The following ADAM23 variants were observed in gnomAD, a reference collection of about 807,000 sequenced individuals.
ADAM23 encodes ADAM metallopeptidase domain 23.
A neutral mutation model predicts 120.1 loss-of-function variants in ADAM23; 33 were observed. The observed-to-expected ratio is 0.27, with a 90% CI of 0.21 to 0.37. The LOEUF is 0.37. ADAM23 is among the 10% of genes least tolerant of loss of function. The pLI is 1.00. For missense variants in ADAM23, 862 were observed against 1,058.2 expected (o/e 0.81, Z 2.57); for synonymous variants, 367 against 375.2 (o/e 0.98, Z 0.25).
At chr2:206,486,677 C>T (rs562186463) in intron 3 of ADAM23, among the ~76,000 whole-genome samples, 1 of 152,082 alleles carries the variant, frequency 6.6e-6, no homozygotes, top group African/African-American at 2.4e-5. Flanking sequence ...TTTCCTCTTC[C>T]TCCTCTTTCT....
At chr2:206,452,393 T>A (rs372246047) in intron 2 of ADAM23, among the ~76,000 whole-genome samples, 86 of 152,356 alleles carry the variant, frequency 5.6e-4, no homozygotes, top group African/African-American at 2.0e-3. Context: ...TAATGCTTTC[T>A]GCTCACGGGT....
At chr2:206,541,475 A>G (rs1210060518) in intron 4 of ADAM23, among the ~76,000 whole-genome samples, 1 of 152,212 alleles carries the variant, frequency 6.6e-6, no homozygotes, top group South Asian at 2.1e-4. Flanking sequence ...GCCAAACACC[A>G]GAAGAAACAG....
At chr2:206,444,922 A>T (rs1034556659) in intron 1 of ADAM23, among the ~76,000 whole-genome samples, 3 of 152,192 alleles carry the variant, frequency 2.0e-5, no homozygotes, top group Non-Finnish European at 4.4e-5. Context: ...CTGTGGACTC[A>T]GAGAAGGGGT....
At chr2:206,514,474 A>G (rs999122777) in intron 3 of ADAM23, among the ~76,000 whole-genome samples, 9 of 152,232 alleles carry the variant, frequency 5.9e-5, no homozygotes, top group Admixed American at 3.3e-4. Flanking sequence ...AACTGCTGCA[A>G]TCTCATGATA....
rs777098022 is a variant in ADAM23 at position 206,550,170 on chromosome 2, T to C, written c.933+10T>C. 29 of 1,535,124 alleles carry C rather than the reference T, an allele frequency of 1.9e-5. 1 individual carries two copies. In the South Asian group the frequency reaches 2.5e-4, roughly 13 times the overall value. On this transcript the variant is annotated intron_variant, in intron 9 of 25. Transcript: ENST00000264377. ...TAATGATCACAAAACGGTAAGAATA[T>C]AGAGTCAGTGGGTTTTAGAACAGAT...
intron 17 of ADAM23, among the ~76,000 whole-genome samples, chr2:206,572,865 A>G (rs1330175105): frequency 6.6e-6 from 1 of 152,200 alleles, no homozygotes; most frequent in Admixed American, 6.5e-5. Context: ...TTCTGAAAAT[A>G]GTACTCTGAA....
rs144598853 is a variant in ADAM23, at chr2:206,499,676, A to G, written c.509+18368A>G. Reference sequence around the variant, plus strand: ...AATAAATAAAATAAAAAAAATTTACATGTGATCTTACTCCTTTGAGAGGTT... The same window carrying G: ...AATAAATAAAATAAAAAAAATTTACGTGTGATCTTACTCCTTTGAGAGGTT... On this transcript the variant is annotated intron_variant, in intron 3 of 25. Coordinates refer to ENST00000264377, the MANE Select transcript of ADAM23 (RefSeq NM_003812.4). 4.2e-3 allele frequency among the ~76,000 whole-genome samples: 636 copies of G among 152,230 alleles called. 6 individuals carry two copies. The highest frequency in any genetic ancestry group is 0.014 in the African/African-American group (598 of 41,562).
intron 3 of ADAM23, among the ~76,000 whole-genome samples, chr2:206,500,304 A>G (rs2300967): frequency 0.3 from 45,368 of 152,000 alleles, 6,888 homozygotes; most frequent in Non-Finnish European, 0.32. Context: ...CCTGGTAAGT[A>G]ATGATTAAAT....
intron 23 of ADAM23, 62 bp from the exon 24 acceptor site, chr2:206,595,989 T>A: frequency 7.5e-7 from 1 of 1,324,850 alleles, no homozygotes; most frequent in Non-Finnish European, 1.1e-6. Context: ...CTCTTTTACA[T>A]TTATCACTAT....
At chr2:206,543,185 C>T in intron 5 of ADAM23, 68 bp from the exon 6 acceptor site, 10 of 1,326,600 alleles carry the variant, frequency 7.5e-6, no homozygotes, top group Non-Finnish European at 1.1e-5. Flanking sequence ...TAATGAAGCT[C>T]ACTTGCTATT....
At chr2:206,466,767 A>T (rs1213879965) in intron 2 of ADAM23, among the ~76,000 whole-genome samples, 1 of 152,198 alleles carries the variant, frequency 6.6e-6, no homozygotes, top group African/African-American at 2.4e-5. Context: ...CCACACTTTT[A>T]AACAACTAAA....
chr2:206,550,037 G>C, intron 8 of ADAM23, 58 bp from the exon 9 acceptor site: 1 of 1,063,988 alleles, frequency 9.4e-7, no homozygotes, highest in Non-Finnish European at 1.4e-6. Flanking sequence ...TTAACAGTGA[G>C]CACTAGAGAG....
chr2:206,537,964 T>G (rs972702097), intron 4 of ADAM23, among the ~76,000 whole-genome samples: 3 of 152,338 alleles, frequency 2.0e-5, no homozygotes, highest in Admixed American at 2.0e-4. Context: ...ATTCAAAATA[T>G]TGACCTTCCT....
intron 3 of ADAM23, among the ~76,000 whole-genome samples, chr2:206,490,621 T>G (rs1177989983): frequency 6.6e-6 from 1 of 152,216 alleles, no homozygotes; most frequent in African/African-American, 2.4e-5. Context: ...TGTAGTCAAA[T>G]ATTGCATTGT....
chr2:206,459,548 C>G (rs547295243), intron 2 of ADAM23, among the ~76,000 whole-genome samples: 1 of 152,298 alleles, frequency 6.6e-6, no homozygotes, highest in South Asian at 2.1e-4. Context: ...TATTAACTTA[C>G]TTGTATGAAA....
intron 2 of ADAM23, among the ~76,000 whole-genome samples, chr2:206,449,632 C>A (rs1282405647): frequency 3.3e-5 from 5 of 152,078 alleles, no homozygotes; most frequent in Non-Finnish European, 7.4e-5. Context: ...TAGCCGGGCG[C>A]AGTGGTGCGC....
At chr2:206,486,810 C>T (rs1032039261) in intron 3 of ADAM23, among the ~76,000 whole-genome samples, 44 of 152,108 alleles carry the variant, frequency 2.9e-4, no homozygotes, top group African/African-American at 1.0e-3. Context: ...CAAAATTTTG[C>T]AGTTATCACC....
At chr2:206,581,023 A>C (rs1052272337) in intron 18 of ADAM23, among the ~76,000 whole-genome samples, 7 of 152,112 alleles carry the variant, frequency 4.6e-5, no homozygotes, top group Non-Finnish European at 7.4e-5. Context: ...TAGTAGCTTG[A>C]ATGATCTTTT....
chr2:206,571,589 GTAAT>G lies in ADAM23; in HGVS notation c.1567-132_1567-129del, dbSNP rs368749627. 46 of 588,506 alleles carry G rather than the reference GTAAT, an allele frequency of 7.8e-5. No individual in the cohort carries two copies. The East Asian group carries it at 1.2e-3, about 15-fold the overall frequency. 36.5% of individuals were successfully genotyped at this position (588,506 alleles called of 1,614,324 possible). A position where few individuals can be genotyped will look rare whatever the true frequency, so the allele number is the denominator to read the frequency against. On this transcript the variant is annotated intron_variant, in intron 16 of 25. Coordinates refer to ENST00000264377, the MANE Select transcript of ADAM23 (RefSeq NM_003812.4). ...AGGAAGGAATCTATCCTTGTTTAAA[GTAAT>G]TAATTCTTTCCCAGAATATTTGCTT...
Sources: gnomAD v4.1 joint callset for allele counts (sites outside exome capture counted in the v4.1 genomes callset) on GRCh38, gnomAD v4.1.1 for gene constraint, MANE v1.5 for transcripts, NCBI Gene and HGNC (gene_info 2026-07-23, HGNC 2026-07-21) for gene names.